The following TRIM71 variants were observed in gnomAD, a reference collection of about 807,000 sequenced individuals.
TRIM71 encodes E3 ubiquitin-protein ligase TRIM71.
Under a neutral mutation model 61.2 loss-of-function variants are expected in TRIM71, and 9 were observed. The observed-to-expected ratio is 0.15, with a 90% CI of 0.09 to 0.26. The LOEUF (loss-of-function observed/expected upper bound fraction) is 0.26, where lower values mean the gene tolerates loss of function less well. Ranked by LOEUF, TRIM71 falls within the 10% of genes least tolerant of loss-of-function variation. TRIM71 has a pLI of 1.00. For missense variants in TRIM71, 998 were observed against 1,238.7 expected, an observed-to-expected ratio of 0.81 and a Z score of 2.92; for synonymous variants, 645 against 553.2, an observed-to-expected ratio of 1.17 and a Z score of -2.33.
At position 32,881,851 on chromosome 3, in the gene TRIM71, G is replaced by A. The variant is rs193184165; in HGVS notation, c.1021-4083G>A. On this transcript the variant is annotated intron_variant, in intron 2 of 3. Coordinates refer to ENST00000383763, the MANE Select transcript of TRIM71 (RefSeq NM_001039111.3). ...AATGCCATGCTTGGCTGGGTCGTGC[G>A]TAATTTGGAAGGGAAAGACCTATTT... Among the ~76,000 whole-genome samples the A allele has an allele frequency of 1.1e-4, 17 of 152,294 alleles. 1 individual carries two copies. The highest frequency in any genetic ancestry group is 1.0e-3 in the South Asian group (5 of 4,826).
intron 1 of TRIM71, among the ~76,000 whole-genome samples, chr3:32,867,670 T>C (rs1354502406): frequency 6.6e-6 from 1 of 152,214 alleles, no homozygotes; most frequent in African/African-American, 2.4e-5. Context: ...GTATGCATTG[T>C]AGAGTATGTA....
At chr3:32,833,670 A>ATTTATTTATTTATTTAT (rs1553643720) in intron 1 of TRIM71, among the ~76,000 whole-genome samples, 1 of 149,518 alleles carries the variant, frequency 6.7e-6, no homozygotes, top group Non-Finnish European at 1.5e-5. Context: ...TTATTTATTT[A>ATTTATTTATTTATTTAT]TTTATTTTAT....
In TRIM71 at chr3:32,824,338, C is replaced by T. The variant is rs183496620; in HGVS notation, c.852+5406C>T. 2.8e-3 allele frequency among the ~76,000 whole-genome samples: 424 copies of T among 151,596 alleles called. 4 individuals are homozygous for T. Among genetic ancestry groups the T allele is most frequent in the Non-Finnish European group, 2.6e-3 (178 of 67,892 alleles). On this transcript the variant is annotated intron_variant, in intron 1 of 3. Coordinates refer to ENST00000383763, the MANE Select transcript of TRIM71 (RefSeq NM_001039111.3). The stretch of plus-strand genomic sequence containing the variant: ...GATTACAGGCGCTCGTCACCTTGTC[C>T]GGCTAATTTTTTTTCTTTCTTTTTT...
chr3:32,877,484 T>G (rs1041868341), intron 2 of TRIM71, among the ~76,000 whole-genome samples: 2 of 151,982 alleles, frequency 1.3e-5, no homozygotes, highest in Admixed American at 1.3e-4. Context: ...GCCTCCCACG[T>G]AGCTAGGACT....
rs570387664 is a variant in TRIM71, at chr3:32,891,361, G to A, written c.2157G>A (p.Thr719=). Residue 719 remains threonine (T), a synonymous_variant, in exon 4 of 4, where the codon ACG becomes ACA. Transcript: ENST00000383763. This position sits in a 1 kb window ranked among gnomAD's most constrained non-coding sequence, Gnocchi z 8.2. ...AGGGCAAGATCCTGGTCTCAGACAC[G>A]AGGAACCACCGGATCCAGCTGTTTG... ...NSEGKILVSD[T]RNHRIQLFGP... is the part of the protein sequence containing the mutation. 9.4e-5 allele frequency: 151 copies of A among 1,614,124 alleles called. No individual in the cohort carries two copies. The South Asian group carries it at 1.5e-3, about 16-fold the overall frequency.
chr3:32,826,334 A>G (rs576027129), intron 1 of TRIM71, among the ~76,000 whole-genome samples: 27 of 152,194 alleles, frequency 1.8e-4, no homozygotes, highest in African/African-American at 6.3e-4. Flanking sequence ...CCAGCTACTG[A>G]GGCTGAGGCA....
chr3:32,878,835 G>A (rs961787467), intron 2 of TRIM71, among the ~76,000 whole-genome samples: 4 of 152,138 alleles, frequency 2.6e-5, no homozygotes, highest in Non-Finnish European at 2.9e-5. Context: ...GAGTCAGCCC[G>A]TCCATTGAAG....
At chr3:32,861,940 C>T (rs1696673714) in intron 1 of TRIM71, among the ~76,000 whole-genome samples, 1 of 152,214 alleles carries the variant, frequency 6.6e-6, no homozygotes, top group Non-Finnish European at 1.5e-5. Flanking sequence ...TCAGAGAATT[C>T]ACAGAGGCCA....
chr3:32,839,233 C>T (rs547540535), intron 1 of TRIM71, among the ~76,000 whole-genome samples: 1 of 151,904 alleles, frequency 6.6e-6, no homozygotes, highest in Non-Finnish European at 1.5e-5. Context: ...GTGAAAGTGA[C>T]ATGAGTTTTT....
chr3:32,867,822 T>G (rs1361127795), intron 1 of TRIM71, among the ~76,000 whole-genome samples: 5 of 152,168 alleles, frequency 3.3e-5, no homozygotes, highest in African/African-American at 9.7e-5. Flanking sequence ...AAATAGTATA[T>G]GGAACAACTT....
Position 32,818,606 on chromosome 3 carries a change from C to A in TRIM71, c.526C>A (p.Pro176Thr). The A allele has an allele frequency of 7.2e-7, 1 of 1,383,542 alleles. No individual in the cohort carries two copies. Among genetic ancestry groups the A allele is most frequent in the South Asian group, 1.7e-5 (1 of 59,830 alleles). The allele number at this position is 1,383,542 out of a possible 1,614,324, so 85.7% of individuals were successfully genotyped here. ...PLPQAPQPPA[P>T]SRSAPGGPAA... ...CCCGCAGGCGCCGCAGCCGCCCGCG[C>A]CTTCCCGCTCGGCACCCGGCGGCCC... is the stretch of plus-strand genomic sequence containing the variant. Residue 176 changes from proline (P) to threonine (T), a missense_variant, in exon 1 of 4, where the codon CCT (proline) becomes ACT (threonine). Coordinates refer to ENST00000383763, the MANE Select transcript of TRIM71 (RefSeq NM_001039111.3).
intron 1 of TRIM71, among the ~76,000 whole-genome samples, chr3:32,856,177 C>T (rs184204014): frequency 6.6e-6 from 1 of 152,216 alleles, no homozygotes; most frequent in Non-Finnish European, 1.5e-5. Context: ...GCCACCACGC[C>T]CGGCTATTTT....
At position 32,890,622 on chromosome 3, in the gene TRIM71, A is replaced by C; in HGVS notation, c.1418A>C (p.Lys473Thr). Residue 473 changes from lysine to threonine, a missense_variant, in exon 4 of 4, where the codon AAG becomes ACG. Physicochemically the swap from Lys to Thr is moderately conservative, Grantham distance 78. Around this residue, in one of 5 missense-constraint regions of TRIM71, gnomAD observed 291 missense variants for 431.2 expected, o/e 0.67. Coordinates refer to ENST00000383763, the MANE Select transcript of TRIM71 (RefSeq NM_001039111.3). This position sits in a 1 kb window ranked among gnomAD's most constrained non-coding sequence, Gnocchi z 6.2. ...GATCAGGCACTGTACCTTGCCATCA[A>C]GTCTTTTGGCTTTGTTAGCAGCGGG... ...PPDQALYLAI[K>T]SFGFVSSGAF... The C allele has an allele frequency of 6.2e-7, 1 of 1,613,976 alleles. No homozygotes were observed. Among genetic ancestry groups the C allele is most frequent in the Non-Finnish European group, 8.5e-7 (1 of 1,180,036 alleles).
chr3:32,831,194 A>G (rs565821575), intron 1 of TRIM71, among the ~76,000 whole-genome samples: 7 of 152,198 alleles, frequency 4.6e-5, no homozygotes, highest in African/African-American at 1.7e-4. Flanking sequence ...GAGTGGCTTG[A>G]AAAATGCTCT....
At chr3:32,834,231 A>G (rs1225024510) in intron 1 of TRIM71, among the ~76,000 whole-genome samples, 1 of 152,246 alleles carries the variant, frequency 6.6e-6, no homozygotes, top group Non-Finnish European at 1.5e-5. Flanking sequence ...TGTTACGGTT[A>G]TAAATGGAAA....
intron 2 of TRIM71, among the ~76,000 whole-genome samples, chr3:32,883,039 C>G (rs1696926476): frequency 6.6e-6 from 1 of 152,226 alleles, no homozygotes; most frequent in Admixed American, 6.5e-5. Context: ...TCAGTGTGCT[C>G]TTTGCCCCAG....
intron 3 of TRIM71, among the ~76,000 whole-genome samples, chr3:32,889,558 C>CAAT (rs1285381168): frequency 8.0e-6 from 1 of 124,372 alleles, no homozygotes; most frequent in East Asian, 2.3e-4. Flanking sequence ...CGTTTTGTCC[C>CAAT]AATTATTATT....
intron 2 of TRIM71, among the ~76,000 whole-genome samples, chr3:32,874,818 T>C (rs1696837284): frequency 6.9e-6 from 1 of 145,696 alleles, no homozygotes; most frequent in South Asian, 2.2e-4. Context: ...AGCCAATGCC[T>C]TTTATTTATT....
At position 32,861,046 on chromosome 3, in the gene TRIM71, G is replaced by A. The variant is rs1251753913; in HGVS notation, c.853-12772G>A. Among the ~76,000 whole-genome samples, 5 of 151,876 alleles carry A rather than the reference G, an allele frequency of 3.3e-5. No homozygotes were observed. In the East Asian group the frequency reaches 5.9e-4, roughly 18 times the overall value. On this transcript the variant is annotated intron_variant, in intron 1 of 3. Coordinates refer to ENST00000383763, the MANE Select transcript of TRIM71 (RefSeq NM_001039111.3). Reference sequence around the variant, plus strand: ...AAAAATTAGCCAGGTGTTGTGGCACGTGCCTGTAGTCCCAGCTACTCTGGA... The same window carrying A: ...AAAAATTAGCCAGGTGTTGTGGCACATGCCTGTAGTCCCAGCTACTCTGGA...
Sources: gnomAD v4.1 joint callset for allele counts (sites outside exome capture counted in the v4.1 genomes callset) on GRCh38, gnomAD v4.1.1 for gene constraint, gnomAD v4.1.1 regional missense constraint, Gnocchi (gnomAD v3.1) non-coding constraint, MANE v1.5 for transcripts, NCBI Gene and HGNC (gene_info 2026-07-23, HGNC 2026-07-21) for gene names.